NECAB2: variants seen among roughly 807,000 people sequenced by gnomAD.
NECAB2 encodes N-terminal EF-hand calcium-binding protein 2.
Under a neutral mutation model 51.9 loss-of-function variants are expected in NECAB2, and 68 were observed. The observed-to-expected ratio is 1.31, with a 90% CI of 1.08 to 1.60. NECAB2 has a LOEUF of 1.60. NECAB2 is among the 40% of genes most tolerant of loss of function. The pLI is 0.00. For missense variants in NECAB2, 854 were observed against 490.3 expected (o/e 1.74, Z -7.00); for synonymous variants, 329 against 203.5 (o/e 1.62, Z -5.25).
At chr16:83,985,110 T>G (rs2151091766) in intron 5 of NECAB2, among the ~76,000 whole-genome samples, 1 of 150,312 alleles carries the variant, frequency 6.7e-6, no homozygotes, top group Admixed American at 6.6e-5. Context: ...GTCAGGAGTT[T>G]GAGACCAGCG....
At chr16:83,999,659 A>G (rs2084781894) in intron 10 of NECAB2, among the ~76,000 whole-genome samples, 1 of 152,044 alleles carries the variant, frequency 6.6e-6, no homozygotes, top group African/African-American at 2.4e-5. Context: ...CTGGGGCGGC[A>G]TAGACTATCA....
intron 5 of NECAB2, among the ~76,000 whole-genome samples, chr16:83,984,089 G>A (rs933509719): frequency 4.1e-5 from 6 of 147,212 alleles, no homozygotes; most frequent in South Asian, 2.4e-4. Context: ...TCCGCCTCCC[G>A]GGTTCACGCC....
rs766573417 is a variant in NECAB2, at chr16:83,998,296, C to G, written c.941C>G (p.Thr314Ser). ...CTGCGCCAGTATCTGCGGGGGACCA[C>G]TGGCGTGAGGAACTGCTTCCAGTGA... ...DSLRQYLRGT[T>S]GVRNCFHITA... Residue 314 changes from threonine to serine, a missense_variant, in exon 10 of 13, where the codon ACT becomes AGT. Physicochemically the swap from Thr to Ser is moderately conservative, Grantham distance 58. Transcript: ENST00000305202. 8 of 1,613,438 alleles carry G rather than the reference C, an allele frequency of 5.0e-6. No individual in the cohort carries two copies. Among genetic ancestry groups the G allele is most frequent in the South Asian group, 4.4e-5 (4 of 91,074 alleles).
chr16:83,993,181 C>G (rs988647203), intron 6 of NECAB2, among the ~76,000 whole-genome samples: 2 of 152,190 alleles, frequency 1.3e-5, no homozygotes, highest in Admixed American at 6.5e-5. Flanking sequence ...CCAGGACAGT[C>G]TCCCAGGATG....
In NECAB2 at chr16:83,978,544, C is replaced by T; in HGVS notation, c.327C>T (p.Asp109=). The change falls in exon 3 of 13, where the codon GAC becomes GAT. Residue 109 remains aspartate, a synonymous_variant. Transcript: ENST00000305202. ...ATCTCTTTCACACGATTGACTCTGA[C>T]AACACCAAGTGAGCTTCAGTCCTGG... ...LEDLFHTIDS[D]NTNHVDTKEL... is the part of the protein sequence containing the mutation. 6.2e-7 allele frequency: 1 copy of T among 1,612,798 alleles called. No homozygotes were observed. Among genetic ancestry groups the T allele is most frequent in the Non-Finnish European group, 8.5e-7 (1 of 1,179,198 alleles).
At chr16:83,990,652 G>A (rs762024172) in intron 6 of NECAB2, 22 bp downstream of exon 6, 2 of 1,613,318 alleles carry the variant, frequency 1.2e-6, no homozygotes, top group South Asian at 1.1e-5. Flanking sequence ...AGACCCTGCA[G>A]GGTCCCATGG....
chr16:83,980,129 G>C (rs1225025044), intron 3 of NECAB2, among the ~76,000 whole-genome samples: 1 of 152,188 alleles, frequency 6.6e-6, no homozygotes, highest in East Asian at 1.9e-4. Context: ...GCCCAGAAAG[G>C]GCCACCACCG....
At chr16:83,990,947 C>G (rs181031357) in intron 6 of NECAB2, among the ~76,000 whole-genome samples, 4 of 152,098 alleles carry the variant, frequency 2.6e-5, no homozygotes, top group Admixed American at 1.3e-4. Flanking sequence ...ATTGTTTATG[C>G]AGAACTATTC....
chr16:84,001,611 T>A (rs9927612), intron 11 of NECAB2, among the ~76,000 whole-genome samples: 9,879 of 151,984 alleles, frequency 0.065, 944 homozygotes, highest in African/African-American at 0.21. Flanking sequence ...CGCTGCCCAT[T>A]TATAGCTCAC....
intron 3 of NECAB2, among the ~76,000 whole-genome samples, chr16:83,978,986 C>G (rs1036013976): frequency 1.3e-5 from 2 of 152,156 alleles, no homozygotes; most frequent in East Asian, 1.9e-4. Flanking sequence ...AACACGAATC[C>G]TAACTCAACA....
intron 2 of NECAB2, among the ~76,000 whole-genome samples, chr16:83,977,811 G>A (rs1423255652): frequency 6.6e-6 from 1 of 152,210 alleles, no homozygotes; most frequent in East Asian, 1.9e-4. Context: ...CATAGATGGG[G>A]CGGAGAAGAA....
intron 9 of NECAB2, among the ~76,000 whole-genome samples, chr16:83,997,728 C>G (rs952519071): frequency 6.6e-6 from 1 of 152,006 alleles, no homozygotes; most frequent in African/African-American, 2.4e-5. Context: ...CTCCTATCCT[C>G]ATGATCTGCC....
Position 83,998,198 on chromosome 16 carries a change from C to G in NECAB2, c.850-7C>G, listed in dbSNP as rs2084746904. 4 of 1,606,980 alleles carry G rather than the reference C, an allele frequency of 2.5e-6. No individual in the cohort carries two copies. Among genetic ancestry groups the G allele is most frequent in the Non-Finnish European group, 3.4e-6 (4 of 1,179,756 alleles). On this transcript the variant is annotated splice_region_variant and splice_polypyrimidine_tract_variant and intron_variant, in intron 9 of 12. Coordinates refer to ENST00000305202, the MANE Select transcript of NECAB2 (RefSeq NM_019065.3). ...AGCCCCACACTGACTCCTGCTGTGC[C>G]CGGCAGCACCTGCAGCTGGTCCGGC...
At position 84,000,661 on chromosome 16, in the gene NECAB2, A is replaced by C. The variant is rs575491225; in HGVS notation, c.963-63A>C. 72 of 1,441,536 alleles carry C rather than the reference A, an allele frequency of 5.0e-5. No individual in the cohort carries two copies. In the South Asian group the frequency reaches 7.2e-4, roughly 14 times the overall value. The allele number at this position is 1,441,536 out of a possible 1,614,324, so 89.3% of individuals were successfully genotyped here. ...GGTGGGTCTCAGGCCACCCCAGGGG[A>C]ACAGCACTGAGGTGGCCTTGGTTGA... On this transcript the variant is annotated intron_variant, in intron 10 of 12. Transcript: ENST00000305202.
chr16:83,970,781 G>A (rs1479322674), intron 1 of NECAB2, among the ~76,000 whole-genome samples: 1 of 152,166 alleles, frequency 6.6e-6, no homozygotes, highest in African/African-American at 2.4e-5. Flanking sequence ...GCAGAAGCTG[G>A]GATCCTTCTC....
chr16:83,974,613 C>G (rs1373775109), intron 2 of NECAB2, among the ~76,000 whole-genome samples: 1 of 152,146 alleles, frequency 6.6e-6, no homozygotes, highest in Non-Finnish European at 1.5e-5. Context: ...GTATCAACCC[C>G]CACCCTCCTT....
chr16:84,002,541 C>T lies in NECAB2; in HGVS notation c.*195C>T. On this transcript the variant is annotated 3_prime_UTR_variant, in exon 13 of 13. Coordinates refer to ENST00000305202, the MANE Select transcript of NECAB2 (RefSeq NM_019065.3). ...AGAAGGCAGAGCAGTGTCTGTGCTG[C>T]CAGGTCCTGGTGAAGCCCAAGGTTG... 1 of 707,344 alleles carries T rather than the reference C, an allele frequency of 1.4e-6. No homozygotes were observed. The highest frequency in any genetic ancestry group is 2.4e-6 in the Non-Finnish European group (1 of 424,754). The allele number at this position is 707,344 out of a possible 1,614,324, so 43.8% of individuals were successfully genotyped here.
At chr16:83,985,078 C>A (rs531161052) in intron 5 of NECAB2, among the ~76,000 whole-genome samples, 1 of 151,906 alleles carries the variant, frequency 6.6e-6, no homozygotes, top group Non-Finnish European at 1.5e-5. Flanking sequence ...TTTGGGAGGC[C>A]GGGGCGGGCA....
chr16:83,966,042 G>A, upstream of NECAB2: 1 of 1,444,656 alleles, frequency 6.9e-7, no homozygotes, highest in South Asian at 1.4e-5. Context: ...CAGGCCCTGA[G>A]AGGACAGAGA....
Sources: allele counts gnomAD v4.1 joint callset (sites outside exome capture counted in the v4.1 genomes callset), GRCh38; gene constraint gnomAD v4.1.1; transcripts MANE v1.5; gene names NCBI Gene and HGNC (gene_info 2026-07-23, HGNC 2026-07-21).